The following FGF12 variants were observed in gnomAD, a reference collection of about 807,000 sequenced individuals.
FGF12 encodes fibroblast growth factor 12, also known as fibroblast growth factor 12B.
Under a neutral mutation model 23.6 loss-of-function variants are expected in FGF12, and 14 were observed. The observed-to-expected ratio is 0.59, with a 90% CI of 0.39 to 0.93. The LOEUF (loss-of-function observed/expected upper bound fraction) is 0.93. FGF12 is among the 40% of genes least tolerant of loss of function. The pLI is 0.00. For missense variants in FGF12, 175 were observed against 217.8 expected (o/e 0.80, Z 1.24); for synonymous variants, 62 against 77.3 (o/e 0.80, Z 1.04).
intron 4 of FGF12, among the ~76,000 whole-genome samples, chr3:192,247,420 T>G (rs760036209): frequency 3.3e-5 from 5 of 152,300 alleles, no homozygotes; most frequent in Admixed American, 6.5e-5. Flanking sequence ...CAGTCACCCA[T>G]GCATGCAATC....
intron 4 of FGF12, among the ~76,000 whole-genome samples, chr3:192,247,032 AGAAGGAAGGAAGGAAG>A (rs71177355): frequency 0.17 from 14,727 of 86,044 alleles, 1,392 homozygotes; most frequent in Middle Eastern, 0.25. Context: ...AGGGAAGGAA[AGAAGGAAGGAAGGAAG>A]GAAGGAAGGA....
At chr3:192,189,297 C>T (rs2108645014) in intron 4 of FGF12, among the ~76,000 whole-genome samples, 1 of 152,186 alleles carries the variant, frequency 6.6e-6, no homozygotes, top group South Asian at 2.1e-4. Context: ...GGAGTCATAC[C>T]CTCTCCTGTG....
intron 2 of FGF12, among the ~76,000 whole-genome samples, chr3:192,668,302 T>C (rs1349414619): frequency 6.6e-6 from 1 of 152,176 alleles, no homozygotes; most frequent in East Asian, 1.9e-4. Context: ...CCCACAGCTA[T>C]AAGCGGAGAC....
At chr3:192,414,661 G>GA (rs1721289882) in intron 2 of FGF12, among the ~76,000 whole-genome samples, 1 of 152,138 alleles carries the variant, frequency 6.6e-6, no homozygotes, top group South Asian at 2.1e-4. Context: ...GATCGCCCAA[G>GA]GTCATACAAT....
At chr3:192,426,793 C>T (rs1052018024) in intron 2 of FGF12, among the ~76,000 whole-genome samples, 3 of 152,066 alleles carry the variant, frequency 2.0e-5, no homozygotes, top group Non-Finnish European at 2.9e-5. Context: ...TTAAAAGAAC[C>T]AAATGTCTCA....
chr3:192,694,189 G>A (rs1718034156), intron 2 of FGF12, among the ~76,000 whole-genome samples: 1 of 152,158 alleles, frequency 6.6e-6, no homozygotes, highest in South Asian at 2.1e-4. Context: ...AAACTACGAT[G>A]AGATATCACC....
chr3:192,214,820 G>C (rs745616411), intron 4 of FGF12, among the ~76,000 whole-genome samples: 1 of 152,184 alleles, frequency 6.6e-6, no homozygotes, highest in Non-Finnish European at 1.5e-5. Flanking sequence ...AATGATTTTA[G>C]GAACTTGCAT....
At chr3:192,217,814 C>T (rs905134219) in intron 4 of FGF12, among the ~76,000 whole-genome samples, 8 of 151,840 alleles carry the variant, frequency 5.3e-5, no homozygotes, top group African/African-American at 1.2e-4. Context: ...TAATTCTTGT[C>T]ACTTTTCTTT....
chr3:192,269,531 A>T (rs1713294292), intron 4 of FGF12, among the ~76,000 whole-genome samples: 1 of 152,134 alleles, frequency 6.6e-6, no homozygotes, highest in South Asian at 2.1e-4. Context: ...CCATAATAGT[A>T]CTACCTAATA....
intron 4 of FGF12, among the ~76,000 whole-genome samples, chr3:192,171,465 TCA>T (rs1400336262): frequency 6.6e-6 from 1 of 152,214 alleles, no homozygotes; most frequent in African/African-American, 2.4e-5. Flanking sequence ...TGCTTCACAA[TCA>T]CAGTCTCTCA....
At chr3:192,262,864 T>C (rs543014863) in intron 4 of FGF12, among the ~76,000 whole-genome samples, 2 of 151,150 alleles carry the variant, frequency 1.3e-5, no homozygotes, top group Non-Finnish European at 3.0e-5. Context: ...CCCTAAGAAC[T>C]ACTCCCCCAT....
chr3:192,637,271 C>T (rs916930644), intron 2 of FGF12, among the ~76,000 whole-genome samples: 2 of 152,266 alleles, frequency 1.3e-5, no homozygotes, highest in East Asian at 1.9e-4. Context: ...CTCTGGCCAC[C>T]GACGTGCAGG....
chr3:192,170,217 T>C (rs1303808519), intron 5 of FGF12, among the ~76,000 whole-genome samples: 2 of 145,734 alleles, frequency 1.4e-5, no homozygotes, highest in African/African-American at 2.6e-5. Context: ...CGGGAGGAGG[T>C]TGCAGTGAGC....
At chr3:192,426,204 G>C (rs986301580) in intron 2 of FGF12, among the ~76,000 whole-genome samples, 1 of 152,134 alleles carries the variant, frequency 6.6e-6, no homozygotes, top group African/African-American at 2.4e-5. Context: ...TCCTCCCCTT[G>C]CTAGGCTCCA....
intron 2 of FGF12, among the ~76,000 whole-genome samples, chr3:192,415,215 A>C (rs761577959): frequency 1.6e-4 from 25 of 152,108 alleles, no homozygotes; most frequent in Non-Finnish European, 3.1e-4. Context: ...ACCTGTCACA[A>C]CAGACCGCCC....
At chr3:192,405,610 G>C (rs1234013066) in intron 2 of FGF12, among the ~76,000 whole-genome samples, 1 of 151,928 alleles carries the variant, frequency 6.6e-6, no homozygotes, top group African/African-American at 2.4e-5. Context: ...TCAAGAATCA[G>C]TCAAATATTA....
chr3:192,670,662 T>C (rs1318486522), intron 2 of FGF12, among the ~76,000 whole-genome samples: 5 of 152,178 alleles, frequency 3.3e-5, no homozygotes, highest in Admixed American at 2.6e-4. Flanking sequence ...GGTTTGTTGA[T>C]TGCAAAGTAC....
At chr3:192,714,904 C>A (rs960231504) in intron 2 of FGF12, among the ~76,000 whole-genome samples, 1 of 152,118 alleles carries the variant, frequency 6.6e-6, no homozygotes, top group Non-Finnish European at 1.5e-5. Context: ...TAAGTTTCAA[C>A]GCTAGAATTT....
In FGF12 at chr3:192,499,512, ATATATTTTTTT is replaced by A. The variant is rs1324453932; in HGVS notation, c.14-138985_14-138975del. ...AGCATCCATATATATATATATATAT[ATATATTTTTTT>A]TTTTTTTTTTTTTTTTTTTTTTTTT... is the stretch of plus-strand genomic sequence containing the variant. On this transcript the variant is annotated intron_variant, in intron 2 of 5. Transcript: ENST00000445105. 3.3e-3 allele frequency among the ~76,000 whole-genome samples: 146 copies of A among 44,032 alleles called. 3 individuals are homozygous for A. Among genetic ancestry groups the A allele is most frequent in the African/African-American group, 0.013 (119 of 9,330 alleles). 28.9% of individuals were successfully genotyped at this position (44,032 alleles called of 152,430 possible). A position where few individuals can be genotyped will look rare whatever the true frequency, so the allele number is the denominator to read the frequency against.
Sources: gnomAD v4.1 joint callset for allele counts (sites outside exome capture counted in the v4.1 genomes callset) on GRCh38, gnomAD v4.1.1 for gene constraint, MANE v1.5 for transcripts, NCBI Gene and HGNC (gene_info 2026-07-23, HGNC 2026-07-21) for gene names.